The following FAM151B variants were observed in gnomAD, a reference collection of about 807,000 sequenced individuals.
The protein encoded by FAM151B is family with sequence similarity 151 member B, also known as protein FAM151B.
Under a neutral mutation model 31.2 loss-of-function variants are expected in FAM151B, and 24 were observed. The observed-to-expected ratio is 0.77, with a 90% CI of 0.56 to 1.08. The LOEUF (loss-of-function observed/expected upper bound fraction) is 1.08, where lower values mean the gene tolerates loss of function less well. Ranked by LOEUF, FAM151B falls within the 50% of genes least tolerant of loss-of-function variation. The probability of loss-of-function intolerance (pLI) is 0.00; values close to 1 mark genes in which losing one functional copy is unlikely to be tolerated. For missense variants in FAM151B, 293 were observed against 328.6 expected (o/e 0.89, Z 0.84); for synonymous variants, 105 against 111.4 (o/e 0.94, Z 0.36).
intron 2 of FAM151B, among the ~76,000 whole-genome samples, chr5:80,503,946 T>A (rs1743845946): frequency 6.6e-6 from 1 of 152,070 alleles, no homozygotes; most frequent in South Asian, 2.1e-4. Flanking sequence ...AAAAGTCTTC[T>A]ACCCACAGGC....
chr5:80,502,668 T>C (rs171595), intron 2 of FAM151B, among the ~76,000 whole-genome samples: 133,521 of 152,170 alleles, frequency 0.88, 59,256 homozygotes, highest in Non-Finnish European at 0.94. Flanking sequence ...AGCATATCAC[T>C]ACAGGGCCGG....
rs188941787 is a variant in FAM151B, at chr5:80,488,466, G to T, written c.25+318G>T. Among the ~76,000 whole-genome samples, 326 of 152,370 alleles carry T rather than the reference G, an allele frequency of 2.1e-3. 1 individual carries two copies. Among genetic ancestry groups the T allele is most frequent in the African/African-American group, 7.5e-3 (311 of 41,598 alleles). ...GTTTCCCTAATCCTTAATTTCAGCCGACCGTATGGGGGCGGTCTGGGTCAG... is the reference window on the plus strand; with the variant it reads ...GTTTCCCTAATCCTTAATTTCAGCCTACCGTATGGGGGCGGTCTGGGTCAG... On this transcript the variant is annotated intron_variant, in intron 1 of 5. Transcript: ENST00000282226.
At chr5:80,540,110 A>T (rs925632978) in intron 5 of FAM151B, among the ~76,000 whole-genome samples, 1 of 152,162 alleles carries the variant, frequency 6.6e-6, no homozygotes, top group Non-Finnish European at 1.5e-5. Flanking sequence ...CCCCATTCAG[A>T]TTCTACCAAC....
At position 80,488,146 on chromosome 5, in the gene FAM151B, C is replaced by T; in HGVS notation, c.23C>T (p.Pro8Leu). Reference protein sequence around the residue: MAASAGGPGSWSENILEY... With the variant: MAASAGGLGSWSENILEY... ...ACCATGGCAGCATCCGCTGGAGGCCCAGGTAAGCGCCGAGCGCGCGGCCTC... is the reference window on the plus strand; with the variant it reads ...ACCATGGCAGCATCCGCTGGAGGCCTAGGTAAGCGCCGAGCGCGCGGCCTC... Residue 8 changes from proline to leucine, a missense_variant and splice_region_variant, in exon 1 of 6, where the codon CCA becomes CTA. Physicochemically the swap from Pro to Leu is moderately conservative, Grantham distance 98. Coordinates refer to ENST00000282226, the MANE Select transcript of FAM151B (RefSeq NM_205548.3). The T allele has an allele frequency of 6.5e-7, 1 of 1,541,918 alleles. No individual in the cohort carries two copies. Among genetic ancestry groups the T allele is most frequent in the Non-Finnish European group, 8.7e-7 (1 of 1,146,274 alleles).
At chr5:80,493,801 C>T (rs537332805) in intron 1 of FAM151B, among the ~76,000 whole-genome samples, 4 of 152,274 alleles carry the variant, frequency 2.6e-5, no homozygotes, top group South Asian at 2.1e-4. Flanking sequence ...ATGTGCACAG[C>T]GGGACATAGA....
chr5:80,541,606 G>T lies in FAM151B; in HGVS notation c.672-67G>T, dbSNP rs569857436. 3.4e-6 allele frequency: 5 copies of T among 1,468,254 alleles called. No individual in the cohort carries two copies. In the African/African-American group the frequency reaches 5.6e-5, roughly 17 times the overall value. The allele number at this position is 1,468,254 out of a possible 1,614,324, so 91.0% of individuals were successfully genotyped here. A position where few individuals can be genotyped will look rare whatever the true frequency, so the allele number is the denominator to read the frequency against. On this transcript the variant is annotated intron_variant, in intron 5 of 5. Transcript: ENST00000282226. ...TAGAGATAAATGAAAGCATTTTTAG[G>T]CTTATTGGAATGACTCATCGCTTTC...
chr5:80,527,439 A>T (rs1328654354), intron 5 of FAM151B, among the ~76,000 whole-genome samples: 2 of 152,048 alleles, frequency 1.3e-5, no homozygotes, highest in Non-Finnish European at 2.9e-5. Context: ...AAAAAAAAAA[A>T]AATTTCATTA....
chr5:80,536,854 T>C (rs543575130), intron 5 of FAM151B, among the ~76,000 whole-genome samples: 1 of 152,170 alleles, frequency 6.6e-6, no homozygotes, highest in African/African-American at 2.4e-5. Flanking sequence ...ATTGGAGCAA[T>C]TGAACCCATA....
At chr5:80,530,187 C>T (rs549927382) in intron 5 of FAM151B, among the ~76,000 whole-genome samples, 5 of 151,988 alleles carry the variant, frequency 3.3e-5, no homozygotes, top group African/African-American at 9.7e-5. Flanking sequence ...ATTCAACAGC[C>T]CTTCATGCTA....
At chr5:80,529,146 A>C (rs1036273154) in intron 5 of FAM151B, among the ~76,000 whole-genome samples, 9 of 152,234 alleles carry the variant, frequency 5.9e-5, no homozygotes, top group African/African-American at 2.2e-4. Flanking sequence ...TACTGGGTAC[A>C]TAACGAAATG....
At chr5:80,527,855 C>T (rs890838916) in intron 5 of FAM151B, among the ~76,000 whole-genome samples, 1 of 152,156 alleles carries the variant, frequency 6.6e-6, no homozygotes, top group Admixed American at 6.6e-5. Context: ...TTCAAGAATA[C>T]ATTAACCTTA....
intron 1 of FAM151B, among the ~76,000 whole-genome samples, chr5:80,494,780 C>G (rs1743468799): frequency 6.6e-6 from 1 of 152,104 alleles, no homozygotes; most frequent in South Asian, 2.1e-4. Context: ...TCCCAAAGTG[C>G]TGGGACTACA....
intron 1 of FAM151B, chr5:80,498,871 G>T (rs539226638): frequency 5.9e-5 from 22 of 369,804 alleles, no homozygotes; most frequent in South Asian, 5.7e-4. Context: ...ATCCGTCTTT[G>T]CTGATCAGGA....
At chr5:80,510,790 A>C (rs1372010981) in intron 2 of FAM151B, 1 of 152,228 alleles carries the variant, frequency 6.6e-6, no homozygotes, top group Non-Finnish European at 1.5e-5. Context: ...TCAGTTTAAA[A>C]TGCCTTATGG....
chr5:80,538,406 T>TTCTC, intron 5 of FAM151B, among the ~76,000 whole-genome samples: 1 of 49,242 alleles, frequency 2.0e-5, no homozygotes, highest in Non-Finnish European at 3.6e-5. Context: ...CTTTCTTTCT[T>TTCTC]TCTTTCTTTC....
chr5:80,530,035 G>C (rs1012340547), intron 5 of FAM151B, among the ~76,000 whole-genome samples: 3 of 131,002 alleles, frequency 2.3e-5, no homozygotes, highest in Non-Finnish European at 4.9e-5. Context: ...AGCTTATCCA[G>C]CACGATCAAG....
intron 5 of FAM151B, among the ~76,000 whole-genome samples, chr5:80,540,815 T>C (rs1362245120): frequency 6.6e-6 from 1 of 152,244 alleles, no homozygotes; most frequent in Non-Finnish European, 1.5e-5. Flanking sequence ...TTTCCTCTGT[T>C]GTATTTCCAG....
chr5:80,534,528 C>A (rs1745403439), intron 5 of FAM151B, among the ~76,000 whole-genome samples: 1 of 152,092 alleles, frequency 6.6e-6, no homozygotes, highest in Non-Finnish European at 1.5e-5. Flanking sequence ...TCAATTGATG[C>A]TGAAAAAACA....
At chr5:80,497,441 A>C (rs1364779417) in intron 1 of FAM151B, among the ~76,000 whole-genome samples, 1 of 151,758 alleles carries the variant, frequency 6.6e-6, no homozygotes, top group Non-Finnish European at 1.5e-5. Context: ...AAAAACAATA[A>C]AAAAACTACT....
Sources: gnomAD v4.1 joint callset for allele counts (sites outside exome capture counted in the v4.1 genomes callset) on GRCh38, gnomAD v4.1.1 for gene constraint, MANE v1.5 for transcripts, NCBI Gene and HGNC (gene_info 2026-07-23, HGNC 2026-07-21) for gene names.